The following GALNTL6 variants were observed in gnomAD, a reference collection of about 807,000 sequenced individuals.
GALNTL6 encodes the protein polypeptide N-acetylgalactosaminyltransferase-like 6.
GALNTL6 carries 46 observed loss-of-function variants against 73.7 expected under a neutral mutation model. That is an observed-to-expected ratio of 0.62 (90% CI 0.49 to 0.80). The LOEUF is 0.80. Among genes scored for constraint, GALNTL6 ranks in the 30% least tolerant of loss-of-function variants. The pLI is 0.00. For synonymous variants in GALNTL6, 259 were observed against 263.7 expected, an observed-to-expected ratio of 0.98 and a Z score of 0.17; for missense variants, 604 against 755.0, an observed-to-expected ratio of 0.80 and a Z score of 2.34.
chr4:172,332,211 A>G (rs78284636), intron 4 of GALNTL6, among the ~76,000 whole-genome samples: 3,675 of 151,968 alleles, frequency 0.024, 149 homozygotes, highest in African/African-American at 0.08. Flanking sequence ...TAAAATCTGT[A>G]TATTTTATTT....
At chr4:171,826,720 C>A (rs1332564294) in intron 2 of GALNTL6, among the ~76,000 whole-genome samples, 1 of 152,068 alleles carries the variant, frequency 6.6e-6, no homozygotes, top group Non-Finnish European at 1.5e-5. Context: ...TCTTCTTCAT[C>A]TGAGAAGAGG....
chr4:172,565,503 G>T (rs923302270), intron 5 of GALNTL6, among the ~76,000 whole-genome samples: 2 of 152,150 alleles, frequency 1.3e-5, no homozygotes, highest in African/African-American at 4.8e-5. Context: ...GGTTTGATTT[G>T]CTAGTATTTT....
intron 5 of GALNTL6, among the ~76,000 whole-genome samples, chr4:172,425,550 C>T (rs1731197400): frequency 6.6e-6 from 1 of 151,878 alleles, no homozygotes; most frequent in Non-Finnish European, 1.5e-5. Context: ...TGAGATACTC[C>T]AAATTTTATA....
At chr4:171,982,374 T>C (rs535479262) in intron 2 of GALNTL6, among the ~76,000 whole-genome samples, 6 of 152,244 alleles carry the variant, frequency 3.9e-5, no homozygotes, top group Admixed American at 1.3e-4. Flanking sequence ...CTCGGCCCAC[T>C]GCAAGCTCTG....
chr4:172,018,853 T>C (rs1268744818), intron 2 of GALNTL6, among the ~76,000 whole-genome samples: 2 of 151,680 alleles, frequency 1.3e-5, no homozygotes, highest in Non-Finnish European at 2.9e-5. Flanking sequence ...AGGGCCCCTG[T>C]GAGATATAGT....
chr4:172,411,923 A>G (rs1744453426), intron 5 of GALNTL6, among the ~76,000 whole-genome samples: 1 of 152,202 alleles, frequency 6.6e-6, no homozygotes, highest in South Asian at 2.1e-4. Context: ...GAAAAGTAAA[A>G]AGTTAAATAA....
chr4:172,972,383 A>G (rs1424810777), intron 10 of GALNTL6, among the ~76,000 whole-genome samples: 2 of 152,254 alleles, frequency 1.3e-5, no homozygotes, highest in South Asian at 2.1e-4. Context: ...AATGTTATAA[A>G]CAAATAAGAT....
intron 2 of GALNTL6, among the ~76,000 whole-genome samples, chr4:171,946,900 GTT>G (rs1028371638): frequency 1.6e-4 from 13 of 82,378 alleles, no homozygotes; most frequent in African/African-American, 3.9e-4. Context: ...GACTCCATAT[GTT>G]TTACTAAGTT....
intron 2 of GALNTL6, among the ~76,000 whole-genome samples, chr4:171,956,439 T>C (rs1739051907): frequency 6.6e-6 from 1 of 152,178 alleles, no homozygotes; most frequent in East Asian, 1.9e-4. Flanking sequence ...AACTTCTTTG[T>C]ATATGACAGG....
chr4:172,461,512 G>C (rs1334732066), intron 5 of GALNTL6, among the ~76,000 whole-genome samples: 3 of 152,142 alleles, frequency 2.0e-5, no homozygotes, highest in African/African-American at 4.8e-5. Context: ...GTTTTCTACT[G>C]CTTCTTGTTG....
intron 7 of GALNTL6, among the ~76,000 whole-genome samples, chr4:172,837,940 C>G (rs1033135636): frequency 5.3e-5 from 8 of 152,128 alleles, no homozygotes; most frequent in African/African-American, 1.9e-4. Context: ...GTTTTAGGAC[C>G]AATATGAACA....
chr4:172,114,097 G>A (rs759575926), intron 2 of GALNTL6, among the ~76,000 whole-genome samples: 2 of 152,114 alleles, frequency 1.3e-5, no homozygotes, highest in South Asian at 2.1e-4. Context: ...AAATGCCAAC[G>A]TGAGCATGCA....
chr4:172,106,189 C>T (rs894252305), intron 2 of GALNTL6, among the ~76,000 whole-genome samples: 9 of 152,052 alleles, frequency 5.9e-5, no homozygotes, highest in African/African-American at 1.9e-4. Context: ...TTCTGAGGCA[C>T]GACTCAAGCT....
At chr4:172,567,642 C>A (rs919538617) in intron 5 of GALNTL6, among the ~76,000 whole-genome samples, 4 of 152,070 alleles carry the variant, frequency 2.6e-5, no homozygotes, top group Non-Finnish European at 5.9e-5. Flanking sequence ...TGGAGAACAG[C>A]CTGGCTAACA....
At chr4:172,337,009 T>C (rs1201614679) in intron 4 of GALNTL6, among the ~76,000 whole-genome samples, 1 of 152,218 alleles carries the variant, frequency 6.6e-6, no homozygotes, top group African/African-American at 2.4e-5. Context: ...TGCCCTATCA[T>C]CATTATATAA....
chr4:172,666,984 T>C (rs1348641971), intron 5 of GALNTL6: 2 of 152,204 alleles, frequency 1.3e-5, no homozygotes, highest in African/African-American at 2.4e-5. Context: ...TGGTGGACAA[T>C]CTAGTGCCAC....
chr4:172,375,669 GTT>G (rs553533729), intron 5 of GALNTL6, among the ~76,000 whole-genome samples: 90 of 152,298 alleles, frequency 5.9e-4, no homozygotes, highest in African/African-American at 1.8e-3. Flanking sequence ...AGAAACACTA[GTT>G]TTCACCTTAG....
intron 10 of GALNTL6, among the ~76,000 whole-genome samples, chr4:172,966,862 A>G (rs1045359561): frequency 3.3e-5 from 5 of 152,144 alleles, no homozygotes; most frequent in Non-Finnish European, 7.3e-5. Context: ...CACTGCCCCA[A>G]GCTCTGAGAA....
intron 2 of GALNTL6, among the ~76,000 whole-genome samples, chr4:171,846,701 G>C (rs1025492517): frequency 6.8e-6 from 1 of 147,288 alleles, no homozygotes; most frequent in Non-Finnish European, 1.5e-5. Context: ...TCTATATATG[G>C]ACATATATAG....
Sources: gnomAD v4.1 joint callset for allele counts (sites outside exome capture counted in the v4.1 genomes callset) on GRCh38, gnomAD v4.1.1 for gene constraint, MANE v1.5 for transcripts, NCBI Gene and HGNC (gene_info 2026-07-23, HGNC 2026-07-21) for gene names.